Variants in KCNIP4 observed in about 807,000 individuals in gnomAD.
KCNIP4 encodes Kv channel-interacting protein 4.
In KCNIP4, 12 loss-of-function variants were observed where a neutral mutation model predicts 34.0. The ratio of observed to expected loss-of-function variants is 0.35; its 90% CI spans 0.23 to 0.57. The LOEUF (loss-of-function observed/expected upper bound fraction) is 0.57, where lower values mean the gene tolerates loss of function less well. KCNIP4 is among the 20% of genes least tolerant of loss of function. The probability of loss-of-function intolerance (pLI) is 0.83; values close to 1 mark genes in which losing one functional copy is unlikely to be tolerated. For synonymous variants in KCNIP4, 124 were observed against 102.2 expected (o/e 1.21, Z -1.29); for missense variants, 238 against 311.7 (o/e 0.76, Z 1.78).
intron 1 of KCNIP4, among the ~76,000 whole-genome samples, chr4:21,742,939 C>T (rs897185464): frequency 9.2e-5 from 14 of 152,076 alleles, no homozygotes; most frequent in African/African-American, 1.9e-4. Context: ...ATAATACACA[C>T]GCATTTGCTT....
At chr4:21,578,640 C>T (rs554025579) in intron 1 of KCNIP4, among the ~76,000 whole-genome samples, 1 of 152,240 alleles carries the variant, frequency 6.6e-6, no homozygotes, top group East Asian at 1.9e-4. Context: ...CTCATCCGTG[C>T]CATCTCAACC....
At chr4:20,813,849 C>T (rs963108083) in intron 3 of KCNIP4, among the ~76,000 whole-genome samples, 1 of 152,196 alleles carries the variant, frequency 6.6e-6, no homozygotes, top group Admixed American at 6.5e-5. Flanking sequence ...AAATTGCCTG[C>T]TGGCAGTACC....
intron 1 of KCNIP4, among the ~76,000 whole-genome samples, chr4:21,394,660 G>C (rs1722837319): frequency 6.6e-6 from 1 of 152,066 alleles, no homozygotes; most frequent in Non-Finnish European, 1.5e-5. Flanking sequence ...ATACATGATG[G>C]AACACTGATA....
intron 1 of KCNIP4, among the ~76,000 whole-genome samples, chr4:20,970,744 TTAATA>T (rs1237140340): frequency 6.6e-6 from 1 of 152,194 alleles, no homozygotes; most frequent in African/African-American, 2.4e-5. Flanking sequence ...TTAAAAATTA[TTAATA>T]TATTAATTCA....
At chr4:21,921,554 C>T (rs531065444) in intron 1 of KCNIP4, among the ~76,000 whole-genome samples, 2 of 152,186 alleles carry the variant, frequency 1.3e-5, no homozygotes, top group East Asian at 1.9e-4. Flanking sequence ...GGTTTTTCAG[C>T]CCCTTTCCAT....
At chr4:21,004,042 AG>A (rs1181078633) in intron 1 of KCNIP4, among the ~76,000 whole-genome samples, 1 of 152,208 alleles carries the variant, frequency 6.6e-6, no homozygotes, top group Non-Finnish European at 1.5e-5. Context: ...GATGTTCATA[AG>A]GGGTTGCTAA....
rs564136544 is a variant in KCNIP4, at chr4:20,790,352, T to C, written c.289-31462A>G. ...TTGCTGTACACTACTGTAGAATTTA[T>C]AAGTAGGCTACCCTAAATTTATTTA... On this transcript the variant is annotated intron_variant, in intron 3 of 8. Transcript: ENST00000382152. Among the ~76,000 whole-genome samples the C allele has an allele frequency of 5.9e-5, 9 of 152,296 alleles. No individual in the cohort carries two copies. In the East Asian group the frequency reaches 1.5e-3, roughly 26 times the overall value.
chr4:21,111,282 G>A (rs1277145868), intron 1 of KCNIP4, among the ~76,000 whole-genome samples: 1 of 138,060 alleles, frequency 7.2e-6, no homozygotes, highest in East Asian at 2.0e-4. Flanking sequence ...AAATGGCACA[G>A]GCTCTGACGC....
intron 1 of KCNIP4, among the ~76,000 whole-genome samples, chr4:21,491,740 T>A (rs1379926651): frequency 6.6e-6 from 1 of 152,106 alleles, no homozygotes; most frequent in African/African-American, 2.4e-5. Context: ...ACATCTACAT[T>A]TTAAGGTTTG....
rs538492733 is a variant in KCNIP4, at chr4:21,337,666, C to T, written c.62-454957G>A. 6.0e-4 allele frequency among the ~76,000 whole-genome samples: 91 copies of T among 152,216 alleles called. No homozygotes were observed. The South Asian group carries it at 6.2e-3, about 10-fold the overall frequency. On this transcript the variant is annotated intron_variant, in intron 1 of 8. Coordinates refer to ENST00000382152, the MANE Select transcript of KCNIP4 (RefSeq NM_025221.6). ...AGGAAAAAAAATGCCTCCTAAGAGG[C>T]TTCAACTGGCTATGCTAGAATGGCT...
intron 1 of KCNIP4, among the ~76,000 whole-genome samples, chr4:20,989,487 G>A (rs1041350598): frequency 1.3e-5 from 2 of 152,124 alleles, no homozygotes; most frequent in Non-Finnish European, 1.5e-5. Context: ...ACACTGAAAA[G>A]TTAAAAAGAA....
intron 1 of KCNIP4, among the ~76,000 whole-genome samples, chr4:21,011,637 A>T (rs1739076213): frequency 6.6e-6 from 1 of 152,232 alleles, no homozygotes; most frequent in Non-Finnish European, 1.5e-5. Context: ...TCCAAGTATA[A>T]AAACATATTT....
intron 3 of KCNIP4, among the ~76,000 whole-genome samples, chr4:20,794,712 A>G (rs1399290975): frequency 6.6e-6 from 1 of 152,198 alleles, no homozygotes; most frequent in Non-Finnish European, 1.5e-5. Context: ...TGTGTGGGTT[A>G]TGCGATATTT....
At chr4:20,977,770 C>T (rs1010206582) in intron 1 of KCNIP4, among the ~76,000 whole-genome samples, 3 of 152,282 alleles carry the variant, frequency 2.0e-5, no homozygotes, top group South Asian at 2.1e-4. Flanking sequence ...AGTTTCTAGT[C>T]TCTACCTGTC....
chr4:21,597,391 A>T (rs989674112), intron 1 of KCNIP4, among the ~76,000 whole-genome samples: 1 of 152,090 alleles, frequency 6.6e-6, no homozygotes, highest in African/African-American at 2.4e-5. Flanking sequence ...TTTCTTTATA[A>T]ATTATCCAGT....
intron 1 of KCNIP4, among the ~76,000 whole-genome samples, chr4:21,645,634 C>G (rs186121368): frequency 6.6e-6 from 1 of 152,168 alleles, no homozygotes. Context: ...GGGACAGTTC[C>G]CAGTCTAAGA....
At chr4:20,970,243 C>A (rs115244849) in intron 1 of KCNIP4, among the ~76,000 whole-genome samples, 3 of 152,130 alleles carry the variant, frequency 2.0e-5, no homozygotes, top group Middle Eastern at 6.8e-3. Context: ...GCCCGGCCAG[C>A]GGTTATTCTT....
At chr4:20,745,219 T>G (rs1420352702) in intron 5 of KCNIP4, among the ~76,000 whole-genome samples, 2 of 152,168 alleles carry the variant, frequency 1.3e-5, no homozygotes, top group African/African-American at 2.4e-5. Context: ...TTACCATTTT[T>G]TTTTGTCACT....
At chr4:20,910,189 AC>A (rs1449854460) in intron 1 of KCNIP4, among the ~76,000 whole-genome samples, 1 of 151,904 alleles carries the variant, frequency 6.6e-6, no homozygotes, top group East Asian at 1.9e-4. Flanking sequence ...CTACTGGCTC[AC>A]CTCACTTTAG....
Sources: gnomAD v4.1 joint callset for allele counts (sites outside exome capture counted in the v4.1 genomes callset) on GRCh38, gnomAD v4.1.1 for gene constraint, MANE v1.5 for transcripts, NCBI Gene and HGNC (gene_info 2026-07-23, HGNC 2026-07-21) for gene names.